The following RBFOX1 variants were observed in gnomAD, a reference collection of about 807,000 sequenced individuals.
The protein encoded by RBFOX1 is RNA binding fox-1 homolog 1.
A neutral mutation model predicts 57.7 loss-of-function variants in RBFOX1; 8 were observed. The observed-to-expected ratio is 0.14, with a 90% CI of 0.08 to 0.25. The LOEUF (loss-of-function observed/expected upper bound fraction) is 0.25. RBFOX1 is among the 10% of genes least tolerant of loss of function. The pLI, the probability that RBFOX1 is intolerant of heterozygous loss-of-function variation, is 1.00. For synonymous variants in RBFOX1, 326 were observed against 222.4 expected (o/e 1.47, Z -4.15); for missense variants, 611 against 548.5 (o/e 1.11, Z -1.14).
chr16:7,001,396 A>G (rs1377045856), intron 3 of RBFOX1, among the ~76,000 whole-genome samples: 1 of 138,448 alleles, frequency 7.2e-6, no homozygotes, highest in Non-Finnish European at 1.5e-5. Flanking sequence ...GTGTATGTGT[A>G]TTTGTATATG....
chr16:5,313,550 G>T lies in RBFOX1; in HGVS notation c.219+73445G>T, dbSNP rs2064149014. The stretch of plus-strand genomic sequence containing the variant: ...TGCTGATAAAGACTTACCCGAGACT[G>T]GGAAGAGAAAGAGGTTTAATGGACT... On this transcript the variant is annotated intron_variant, in intron 1 of 2. Transcript: ENST00000585867. 2.0e-5 allele frequency among the ~76,000 whole-genome samples: 3 copies of T among 152,096 alleles called. No homozygotes were observed. In the South Asian group the frequency reaches 6.2e-4, roughly 32 times the overall value.
intron 14 of RBFOX1, among the ~76,000 whole-genome samples, chr16:7,695,237 A>G (rs904351460): frequency 1.1e-4 from 16 of 152,210 alleles, no homozygotes; most frequent in Admixed American, 9.2e-4. Flanking sequence ...TGAATGAAGC[A>G]TGAAAAAGGA....
intron 3 of RBFOX1, among the ~76,000 whole-genome samples, chr16:6,935,216 G>A (rs919756693): frequency 2.0e-5 from 3 of 152,190 alleles, no homozygotes; most frequent in Non-Finnish European, 4.4e-5. Flanking sequence ...AGAGTGTATG[G>A]TCAGAATTAG....
chr16:6,971,304 A>G lies in RBFOX1; in HGVS notation c.-15-80753A>G, dbSNP rs548594812. Among the ~76,000 whole-genome samples the G allele has an allele frequency of 6.6e-5, 10 of 152,308 alleles. No individual in the cohort carries two copies. The South Asian group carries it at 2.1e-3, about 32-fold the overall frequency. On this transcript the variant is annotated intron_variant, in intron 3 of 15. Transcript: ENST00000550418. Reference sequence around the variant, plus strand: ...ATATGTAAGCTGAGATAGGAAAGCGAGGACATGTCAGCCACAGAAACATCC... The same window carrying G: ...ATATGTAAGCTGAGATAGGAAAGCGGGGACATGTCAGCCACAGAAACATCC...
At chr16:5,258,358 T>G (rs529796208) in intron 1 of RBFOX1, among the ~76,000 whole-genome samples, 10 of 152,334 alleles carry the variant, frequency 6.6e-5, no homozygotes, top group African/African-American at 2.2e-4. Flanking sequence ...GTTATGTAAT[T>G]GCTTCATGAT....
At position 7,052,044 on chromosome 16, in the gene RBFOX1, C is replaced by A. The variant is rs770408474; in HGVS notation, c.-15-13C>A. 6.2e-6 allele frequency: 10 copies of A among 1,610,888 alleles called. No homozygotes were observed. The Admixed American group carries it at 6.7e-5, about 11-fold the overall frequency. On this transcript the variant is annotated splice_polypyrimidine_tract_variant and intron_variant, in intron 3 of 15. Transcript: ENST00000550418. ...CCTTCTGACTTTTCCCCTTCATTTT[C>A]TTTTCTTTCTAGGTTTCAAGACAAC...
chr16:7,513,819 T>A (rs181951597), intron 4 of RBFOX1, among the ~76,000 whole-genome samples: 3 of 152,190 alleles, frequency 2.0e-5, no homozygotes, highest in African/African-American at 7.2e-5. Context: ...AGCCCACTTA[T>A]GCAGATTTAA....
rs199909883 is a variant in RBFOX1 at position 7,328,627 on chromosome 16, A to AT, written c.28-189502dup. 1,149 of 142,440 alleles carry AT rather than the reference A, an allele frequency of 8.1e-3. 9 individuals are homozygous for AT. Among genetic ancestry groups the AT allele is most frequent in the East Asian group, 0.041 (202 of 4,882 alleles). 8.8% of individuals were successfully genotyped at this position (142,440 alleles called of 1,614,324 possible). A position where few individuals can be genotyped will look rare whatever the true frequency, so the allele number is the denominator to read the frequency against. On this transcript the variant is annotated intron_variant, in intron 4 of 15. Transcript: ENST00000550418. Reference sequence around the variant, plus strand: ...ATGGAAGGTGGAGATAGATGGAAGAATTTTTTTTTTTTTTTTTTAGGTGGA... The same window carrying AT: ...ATGGAAGGTGGAGATAGATGGAAGAATTTTTTTTTTTTTTTTTTTAGGTGGA...
intron 4 of RBFOX1, among the ~76,000 whole-genome samples, chr16:7,339,932 C>A (rs1312343748): frequency 6.6e-6 from 1 of 152,218 alleles, no homozygotes; most frequent in Non-Finnish European, 1.5e-5. Flanking sequence ...CACAAGCACA[C>A]CATGTCCAAG....
At chr16:5,904,936 C>T (rs1281511376) in intron 4 of RBFOX1, among the ~76,000 whole-genome samples, 2 of 140,482 alleles carry the variant, frequency 1.4e-5, no homozygotes, top group Non-Finnish European at 3.1e-5. Flanking sequence ...GAGATCGCAC[C>T]AATGCACTCC....
intron 2 of RBFOX1, among the ~76,000 whole-genome samples, chr16:6,546,514 T>G (rs1396094824): frequency 6.6e-6 from 1 of 152,186 alleles, no homozygotes. Flanking sequence ...ATATTGTGAT[T>G]GGCAGCTCCA....
intron 3 of RBFOX1, among the ~76,000 whole-genome samples, chr16:6,916,083 A>G (rs2073097169): frequency 6.6e-6 from 1 of 152,060 alleles, no homozygotes; most frequent in Non-Finnish European, 1.5e-5. Context: ...GGGCTTATAT[A>G]CCTTAGGGAA....
chr16:7,266,347 C>T (rs1168200192), intron 4 of RBFOX1, among the ~76,000 whole-genome samples: 2 of 152,118 alleles, frequency 1.3e-5, no homozygotes, highest in East Asian at 1.9e-4. Flanking sequence ...CTGCTTTGGT[C>T]ACGTGATGCT....
intron 3 of RBFOX1, among the ~76,000 whole-genome samples, chr16:7,019,960 C>G (rs1283359172): frequency 8.6e-5 from 13 of 151,882 alleles, no homozygotes; most frequent in Admixed American, 6.6e-4. Flanking sequence ...AAACTATATT[C>G]CCTTTCTTCT....
intron 3 of RBFOX1, among the ~76,000 whole-genome samples, chr16:6,852,195 G>T (rs1189526904): frequency 6.6e-6 from 1 of 152,126 alleles, no homozygotes; most frequent in Non-Finnish European, 1.5e-5. Context: ...TTTTGATAGG[G>T]CTCTGCTTTC....
chr16:6,006,342 A>T (rs566480659), intron 4 of RBFOX1, among the ~76,000 whole-genome samples: 1 of 151,594 alleles, frequency 6.6e-6, no homozygotes, highest in South Asian at 2.1e-4. Context: ...CAGTGAGTGC[A>T]CACACAAGGA....
chr16:7,033,327 C>T (rs2043301349), intron 3 of RBFOX1, among the ~76,000 whole-genome samples: 1 of 152,174 alleles, frequency 6.6e-6, no homozygotes, highest in Non-Finnish European at 1.5e-5. Context: ...TGAGACCAGC[C>T]TGGCTGACAT....
chr16:6,796,867 C>A (rs1263599688), intron 3 of RBFOX1, among the ~76,000 whole-genome samples: 1 of 152,124 alleles, frequency 6.6e-6, no homozygotes, highest in East Asian at 1.9e-4. Context: ...TGCATGATGA[C>A]TGCTTGTCTT....
intron 4 of RBFOX1, among the ~76,000 whole-genome samples, chr16:7,155,567 G>C (rs1416403202): frequency 6.7e-6 from 1 of 149,446 alleles, no homozygotes; most frequent in Admixed American, 6.7e-5. Context: ...CTGCCCTCCA[G>C]CTTGGGTAAC....
Sources: gnomAD v4.1 joint callset for allele counts (sites outside exome capture counted in the v4.1 genomes callset) on GRCh38, gnomAD v4.1.1 for gene constraint, MANE v1.5 for transcripts, NCBI Gene and HGNC (gene_info 2026-07-23, HGNC 2026-07-21) for gene names.